Variants in BBS2 observed in about 807,000 individuals in gnomAD.
BBS2 encodes the protein Bardet-Biedl syndrome 2.
In BBS2, 62 loss-of-function variants were observed where a neutral mutation model predicts 83.0. That is an observed-to-expected ratio of 0.75 (90% CI 0.61 to 0.92). BBS2 has a LOEUF of 0.92. Ranked by LOEUF, BBS2 falls within the 40% of genes least tolerant of loss-of-function variation. The pLI, the probability that BBS2 is intolerant of heterozygous loss-of-function variation, is 0.00. For missense variants in BBS2, 784 were observed against 901.0 expected (o/e 0.87, Z 1.66); for synonymous variants, 303 against 326.1 (o/e 0.93, Z 0.76).
downstream of BBS2, among the ~76,000 whole-genome samples, chr16:56,483,262 T>C (rs912265732): frequency 6.6e-6 from 1 of 152,244 alleles, no homozygotes; most frequent in Non-Finnish European, 1.5e-5. Context: ...TATAATCTTA[T>C]GGTGACCTAA....
At chr16:56,515,796 T>C (rs747536647) in intron 1 of BBS2, among the ~76,000 whole-genome samples, 3 of 152,234 alleles carry the variant, frequency 2.0e-5, no homozygotes, top group African/African-American at 7.2e-5. Context: ...CCTTGGTCAA[T>C]GTTAATTGCA....
chr16:56,508,252 G>T (rs974262405), intron 5 of BBS2, among the ~76,000 whole-genome samples: 1 of 152,154 alleles, frequency 6.6e-6, no homozygotes, highest in Non-Finnish European at 1.5e-5. Flanking sequence ...GACCTTCTTA[G>T]GCAGCTTTTA....
At chr16:56,518,098 T>A (rs1964803111) in intron 1 of BBS2, among the ~76,000 whole-genome samples, 1 of 152,182 alleles carries the variant, frequency 6.6e-6, no homozygotes, top group Non-Finnish European at 1.5e-5. Flanking sequence ...ATTACAGGCA[T>A]GAGTCACTGC....
intron 2 of BBS2, among the ~76,000 whole-genome samples, chr16:56,514,061 G>C (rs1187636663): frequency 1.3e-5 from 2 of 152,122 alleles, no homozygotes; most frequent in East Asian, 3.9e-4. Context: ...AATTGCTTGG[G>C]TATTAAAGTT....
intron 15 of BBS2, among the ~76,000 whole-genome samples, chr16:56,491,293 GATTAATGCC>G (rs1302637529): frequency 6.6e-6 from 1 of 152,156 alleles, no homozygotes; most frequent in African/African-American, 2.4e-5. Context: ...CTCATGAATA[GATTAATGCC>G]ATTAATGCCA....
downstream of BBS2, among the ~76,000 whole-genome samples, chr16:56,484,187 T>C (rs1963710491): frequency 6.6e-6 from 1 of 151,568 alleles, no homozygotes; most frequent in Non-Finnish European, 1.5e-5. Flanking sequence ...TTTGTGTTTT[T>C]AGTAGAGACG....
intron 17 of BBS2, chr16:56,478,837 C>T (rs1300467703): frequency 2.0e-5 from 3 of 152,208 alleles, no homozygotes; most frequent in African/African-American, 7.2e-5. Context: ...GAGCCCAACT[C>T]TGATGTTGCT....
chr16:56,482,207 G>T (rs1205853157), downstream of BBS2, among the ~76,000 whole-genome samples: 1 of 151,988 alleles, frequency 6.6e-6, no homozygotes, highest in East Asian at 1.9e-4. Context: ...ATCTCAAATG[G>T]TATAAATTAG....
chr16:56,488,366 TTC>T (rs1457437102), intron 15 of BBS2, among the ~76,000 whole-genome samples: 1 of 151,886 alleles, frequency 6.6e-6, no homozygotes, highest in Admixed American at 6.6e-5. Context: ...CTGCCAGAAT[TTC>T]TGACTGATCT....
chr16:56,514,702 A>G lies in BBS2; in HGVS notation c.118-22T>C, dbSNP rs1301670347. ...AAACCTGAAACAAAAATAACTAATT[A>G]CATTCCCTTAAAATATAAAAAATTA... On this transcript the variant is annotated intron_variant, in intron 1 of 16. Coordinates refer to ENST00000245157, the MANE Select transcript of BBS2 (RefSeq NM_031885.5). 3.9e-6 allele frequency: 6 copies of G among 1,543,772 alleles called. No individual in the cohort carries two copies. The South Asian group carries it at 6.8e-5, about 17-fold the overall frequency.
At chr16:56,515,954 T>G (rs1964734101) in intron 1 of BBS2, 2 of 152,252 alleles carry the variant, frequency 1.3e-5, no homozygotes, top group African/African-American at 4.8e-5. Flanking sequence ...TCACACTTCC[T>G]TTTATAACAG....
Position 56,511,223 on chromosome 16 carries a change from G to C in BBS2, c.407C>G (p.Ala136Gly), listed in dbSNP as rs373166163. ...CAGAGCACAATTGCCACCAATAATC[G>C]CAAGAGGGGAAGAAATGTCTCCCAA... ...GTLGDISSPL[A>G]IIGGNCALQG... Residue 136 changes from alanine to glycine, a missense_variant, in exon 3 of 17, where the codon GCG becomes GGG. Transcript: ENST00000245157. The C allele has an allele frequency of 5.0e-6, 8 of 1,613,850 alleles. No individual in the cohort carries two copies. The highest frequency in any genetic ancestry group is 1.7e-5 in the Admixed American group (1 of 59,990).
chr16:56,496,711 T>C (rs1011919324), intron 15 of BBS2, among the ~76,000 whole-genome samples: 1 of 152,240 alleles, frequency 6.6e-6, no homozygotes, highest in Non-Finnish European at 1.5e-5. Flanking sequence ...AACAATGCCT[T>C]TACAAATATT....
intron 10 of BBS2, 110 bp from the exon 11 acceptor site, chr16:56,501,135 C>A (rs149855672): frequency 7.3e-7 from 1 of 1,375,922 alleles, no homozygotes; most frequent in African/African-American, 1.4e-5. Context: ...ACGGTGAAAC[C>A]CTATCTCTAC....
intron 17 of BBS2, among the ~76,000 whole-genome samples, chr16:56,473,841 C>G (rs767274768): frequency 6.6e-6 from 1 of 151,612 alleles, no homozygotes; most frequent in Non-Finnish European, 1.5e-5. Context: ...GACTCTCGCT[C>G]TGTCACCCAG....
chr16:56,509,970 A>G lies in BBS2; in HGVS notation c.599T>C (p.Met200Thr). 6.2e-7 allele frequency: 1 copy of G among 1,614,084 alleles called. No homozygotes were observed. Among genetic ancestry groups the G allele is most frequent in the Non-Finnish European group, 8.5e-7 (1 of 1,179,994 alleles). Reference protein sequence around the residue: ...VFKEDEIVAEMTETEIVTSLC... With the variant: ...VFKEDEIVAETTETEIVTSLC... ...GGAGCTTCTTACCTCTGTTTCTGTC[A>G]TTTCTGCCACAATCTCATCTTCCTT... The change falls in exon 5 of 17, where the codon ATG (methionine) becomes ACG (threonine). Residue 200 changes from methionine (M) to threonine (T), a missense_variant. Coordinates refer to ENST00000245157, the MANE Select transcript of BBS2 (RefSeq NM_031885.5).
chr16:56,519,700 C>A (rs1167739009), intron 1 of BBS2, 46 bp downstream of exon 1: 1 of 1,493,568 alleles, frequency 6.7e-7, no homozygotes, highest in Non-Finnish European at 9.3e-7. Flanking sequence ...GGCGGAGATC[C>A]TGTGGTTCCC....
chr16:56,484,882 AC>A lies in BBS2; in HGVS notation c.2060-16del. The A allele has an allele frequency of 6.3e-7, 1 of 1,587,254 alleles. No individual in the cohort carries two copies. The highest frequency in any genetic ancestry group is 8.7e-7 in the Non-Finnish European group (1 of 1,155,606). On this transcript the variant is annotated splice_polypyrimidine_tract_variant and intron_variant, in intron 16 of 16. Transcript: ENST00000245157. Reference sequence around the variant, plus strand: ...TGGTTTTCCAACTGCATAAGAAGAAACATCAGGAACCAAAAGATTGTTAGAC... The same window carrying A: ...TGGTTTTCCAACTGCATAAGAAGAAAATCAGGAACCAAAAGATTGTTAGAC...
Position 56,519,767 on chromosome 16 carries a change from C to T in BBS2, c.96G>A (p.Ala32=). 1 of 1,613,358 alleles carries T rather than the reference C, an allele frequency of 6.2e-7. No homozygotes were observed. The highest frequency in any genetic ancestry group is 8.5e-7 in the Non-Finnish European group (1 of 1,179,588). Reference sequence around the variant, plus strand: ...TTACCTTGCCCGTTTGGGTGGCGGCCGCCAGGCACGGGTGAGTCCCGTCGT... The same window carrying T: ...TTACCTTGCCCGTTTGGGTGGCGGCTGCCAGGCACGGGTGAGTCCCGTCGT... ...GRYDGTHPCL[A]AATQTGKVFI... The change falls in exon 1 of 17, where the codon GCG becomes GCA. Residue 32 remains alanine, a synonymous_variant. Transcript: ENST00000245157.
Sources: gnomAD v4.1 joint callset for allele counts (sites outside exome capture counted in the v4.1 genomes callset) on GRCh38, gnomAD v4.1.1 for gene constraint, MANE v1.5 for transcripts, NCBI Gene and HGNC (gene_info 2026-07-23, HGNC 2026-07-21) for gene names.